Variants in POLA1 observed in about 807,000 individuals in gnomAD.
The protein encoded by POLA1 is DNA polymerase alpha catalytic subunit.
A neutral mutation model predicts 124.0 loss-of-function variants in POLA1; 15 were observed. That is an observed-to-expected ratio of 0.12 (90% confidence interval 0.08 to 0.19). The LOEUF (loss-of-function observed/expected upper bound fraction) is 0.19. Ranked by LOEUF, POLA1 falls within the 10% of genes least tolerant of loss-of-function variation. POLA1 has a pLI of 1.00. For synonymous variants in POLA1, 408 were observed against 389.4 expected (o/e 1.05, Z -0.56); for missense variants, 886 against 1,103.4 (o/e 0.80, Z 2.79).
At chrX:24,879,696 A>G (rs1427777482) in intron 34 of POLA1, among the ~76,000 whole-genome samples, 1 of 111,917 alleles carries the variant, frequency 8.9e-6, no homozygotes, top group Non-Finnish European at 1.9e-5. Context: ...AGTTGGATGA[A>G]TAGGGAGAGT....
intron 36 of POLA1, among the ~76,000 whole-genome samples, chrX:24,989,241 CT>C (rs1206396186): frequency 9.0e-6 from 1 of 111,040 alleles, no homozygotes; most frequent in East Asian, 2.8e-4. Flanking sequence ...TCTCACCTTC[CT>C]TTTCCCCACA....
chrX:24,801,970 T>TGTGTGTGTGTGTGTGTGTGA (rs1339175196), intron 26 of POLA1, among the ~76,000 whole-genome samples: 3 of 106,068 alleles, frequency 2.8e-5, no homozygotes, highest in South Asian at 8.8e-4. Context: ...TGTGTGTGTG[T>TGTGTGTGTGTGTGTGTGTGA]GACATTTATT....
At chrX:24,740,428 C>T (rs922196863) in intron 20 of POLA1, among the ~76,000 whole-genome samples, 14 of 111,492 alleles carry the variant, frequency 1.3e-4, no homozygotes, top group Non-Finnish European at 2.4e-4. Flanking sequence ...GTTTATATGC[C>T]TATCCCCTTA....
chrX:24,954,807 GC>G (rs1403212322), intron 36 of POLA1, among the ~76,000 whole-genome samples: 15 of 111,842 alleles, frequency 1.3e-4, no homozygotes, highest in South Asian at 3.8e-4. Flanking sequence ...CCAGTACTGA[GC>G]CCCTGTAGCA....
At chrX:24,903,841 G>A (rs1249495496) in intron 35 of POLA1, among the ~76,000 whole-genome samples, 1 of 110,899 alleles carries the variant, frequency 9.0e-6, no homozygotes, top group Non-Finnish European at 1.9e-5. Context: ...GGACAGCATG[G>A]GTGGAGCAGT....
intron 5 of POLA1, 40 bp downstream of exon 5, chrX:24,714,709 G>T: frequency 1.3e-6 from 1 of 786,218 alleles, no homozygotes; most frequent in South Asian, 2.4e-5. Flanking sequence ...ATTTTCCTTT[G>T]TGAGGTGAAT....
At chrX:24,717,166 A>G in intron 8 of POLA1, 124 bp from the exon 9 acceptor site, 1 of 588,113 alleles carries the variant, frequency 1.7e-6, no homozygotes, top group South Asian at 3.0e-5. Flanking sequence ...ATGCAAACAT[A>G]GTATAGAAAA....
chrX:24,980,809 A>T (rs1216775003), intron 36 of POLA1, among the ~76,000 whole-genome samples: 1 of 111,250 alleles, frequency 9.0e-6, no homozygotes, highest in Non-Finnish European at 1.9e-5. Context: ...GCTTTAAATA[A>T]TTTTTTTCTC....
At chrX:24,770,394 A>G (rs947642126) in intron 26 of POLA1, among the ~76,000 whole-genome samples, 1 of 112,040 alleles carries the variant, frequency 8.9e-6, no homozygotes, top group Non-Finnish European at 1.9e-5. Flanking sequence ...AATGATGCCC[A>G]TGCCCACAGA....
chrX:24,917,515 C>T (rs945267084), intron 35 of POLA1, among the ~76,000 whole-genome samples: 2 of 111,943 alleles, frequency 1.8e-5, no homozygotes, highest in Non-Finnish European at 3.8e-5. Context: ...TGAATAACTA[C>T]TTATTCAAAA....
intron 36 of POLA1, among the ~76,000 whole-genome samples, chrX:24,981,130 C>T (rs1223073555): frequency 1.8e-5 from 2 of 112,145 alleles, no homozygotes; most frequent in South Asian, 3.8e-4. Context: ...AGCTATGCTA[C>T]GTTATTGGTT....
At chrX:24,958,687 C>T (rs927049843) in intron 36 of POLA1, among the ~76,000 whole-genome samples, 4 of 112,090 alleles carry the variant, frequency 3.6e-5, no homozygotes. Flanking sequence ...CACACACACA[C>T]ATATATTCAT....
At chrX:24,847,349 A>G (rs776352691) in intron 34 of POLA1, among the ~76,000 whole-genome samples, 29 of 112,292 alleles carry the variant, frequency 2.6e-4, no homozygotes, top group Middle Eastern at 4.6e-3. Context: ...AGAAGATGCA[A>G]TCGTAATAGT....
rs2047968212 is a variant in POLA1, at chrX:24,946,866, C to T, written c.4261+16317C>T. ...ATCCTCTTTTCTCTGCTATTTATTT[C>T]CTATTATGTCCTTCAACTGTGTCAT... is the stretch of plus-strand genomic sequence containing the variant. On this transcript the variant is annotated intron_variant, in intron 36 of 36. Transcript: ENST00000379068. 3.6e-5 allele frequency among the ~76,000 whole-genome samples: 4 copies of T among 111,871 alleles called. No individual in the cohort carries two copies. In the South Asian group the frequency reaches 1.5e-3, roughly 42 times the overall value.
chrX:24,771,344 T>A (rs2045030424), intron 26 of POLA1, among the ~76,000 whole-genome samples: 1 of 111,447 alleles, frequency 9.0e-6, no homozygotes, highest in Non-Finnish European at 1.9e-5. Context: ...TTTCACACAC[T>A]CTCAATTCTC....
At chrX:24,797,882 TAA>T (rs769794501) in intron 26 of POLA1, among the ~76,000 whole-genome samples, 10 of 96,623 alleles carry the variant, frequency 1.0e-4, no homozygotes, top group Admixed American at 1.1e-4. Context: ...ACCCTGTCTT[TAA>T]AAAAAAAAAA....
At chrX:24,696,555 A>G (rs1928018870) in intron 1 of POLA1, among the ~76,000 whole-genome samples, 2 of 111,721 alleles carry the variant, frequency 1.8e-5, no homozygotes, top group South Asian at 3.8e-4. Context: ...GGTAGCGCCT[A>G]TTTTATATGC....
At chrX:24,940,336 C>A (rs1381692290) in intron 36 of POLA1, among the ~76,000 whole-genome samples, 1 of 111,342 alleles carries the variant, frequency 9.0e-6, no homozygotes, top group Non-Finnish European at 1.9e-5. Context: ...CTATTTTAGC[C>A]CAGGTTTAGA....
intron 2 of POLA1, among the ~76,000 whole-genome samples, chrX:24,701,556 C>T (rs1160412289): frequency 1.8e-5 from 2 of 108,776 alleles, no homozygotes; most frequent in Non-Finnish European, 3.8e-5. Context: ...CTGCTTCAGC[C>T]TCCCAAGTAG....
Sources: allele counts gnomAD v4.1 joint callset (sites outside exome capture counted in the v4.1 genomes callset), GRCh38; gene constraint gnomAD v4.1.1; transcripts MANE v1.5; gene names NCBI Gene and HGNC (gene_info 2026-07-23, HGNC 2026-07-21).